NEB: variants seen among roughly 807,000 people sequenced by gnomAD.
NEB encodes the protein nemaline myopathy type 2.
NEB carries 512 observed loss-of-function variants against 952.2 expected under a neutral mutation model. The ratio of observed to expected loss-of-function variants is 0.54; its 90% confidence interval spans 0.50 to 0.58. NEB has a LOEUF of 0.58. NEB is among the 20% of genes least tolerant of loss of function. The probability of loss-of-function intolerance (pLI) is 0.00; values close to 1 mark genes in which losing one functional copy is unlikely to be tolerated. For synonymous variants in NEB, 2,900 were observed against 3,149.8 expected (o/e 0.92, Z 2.66); for missense variants, 8,428 against 9,231.1 (o/e 0.91, Z 3.56).
At chr2:151,529,068 T>C (rs968432728) in intron 146 of NEB, 142 bp downstream of exon 146, 4 of 672,910 alleles carry the variant, frequency 5.9e-6, no homozygotes, top group Non-Finnish European at 1.1e-5. Context: ...TTTAGCATCA[T>C]TGTTCATGCT....
intron 114 of NEB, 77 bp downstream of exon 114, chr2:151,567,091 G>A (rs3732311): frequency 0.058 from 74,529 of 1,280,654 alleles, 2,333 homozygotes; most frequent in Non-Finnish European, 0.061. Context: ...TCAAGCACTT[G>A]TGGATCTGGG....
intron 27 of NEB, among the ~76,000 whole-genome samples, chr2:151,686,120 A>C (rs551703465): frequency 1.3e-5 from 2 of 152,260 alleles, no homozygotes; most frequent in Non-Finnish European, 2.9e-5. Flanking sequence ...GCAATATTGC[A>C]ACAGCAATAG....
At chr2:151,692,210 C>T in intron 21 of NEB, 44 bp from the exon 22 acceptor site, 6 of 1,608,150 alleles carry the variant, frequency 3.7e-6, no homozygotes, top group Non-Finnish European at 5.1e-6. Context: ...AATCATTTGT[C>T]AAACAGTAGG....
rs1291632455 is a variant in NEB at position 151,709,698 on chromosome 2, T to C, written c.993A>G (p.Pro331=). The change falls in exon 12 of 182, where the codon CCA becomes CCG. Residue 331 remains proline (P), a synonymous_variant. Coordinates refer to ENST00000397345, the MANE Select transcript of NEB (RefSeq NM_001164508.2). Reference sequence around the variant, plus strand: ...CAGCTTTTTTATTCATTTTATACTCTGGTGTTTCGGTCTGCATGAAGTAGA... The same window carrying C: ...CAGCTTTTTTATTCATTTTATACTCCGGTGTTTCGGTCTGCATGAAGTAGA... ...DQIYFMQTET[P]EYKMNKKAGV... 6.2e-7 allele frequency: 1 copy of C among 1,605,638 alleles called. No homozygotes were observed. Among genetic ancestry groups the C allele is most frequent in the Non-Finnish European group, 8.5e-7 (1 of 1,175,528 alleles).
chr2:151,516,462 A>G lies in NEB; in HGVS notation c.22902T>C (p.Ser7634=). 1 of 1,606,324 alleles carries G rather than the reference A, an allele frequency of 6.2e-7. No homozygotes were observed. The part of the protein sequence containing the change: ...ITAKESQQMQ[S]GKEYRKDYEE... Reference sequence around the variant, plus strand: ...TGGTGTGGTTTTTTTGACTTACCCCACTCTGCATCTGCTGAGACTCTTTGG... The same window carrying G: ...TGGTGTGGTTTTTTTGACTTACCCCGCTCTGCATCTGCTGAGACTCTTTGG... The change falls in exon 157 of 182, where the codon AGT becomes AGC. Residue 7634 remains serine (S), a synonymous_variant. Transcript: ENST00000397345.
rs184516994 is a variant in NEB at position 151,506,941 on chromosome 2, G to T, written c.23524C>A (p.Arg7842Ser). 1.2e-6 allele frequency: 2 copies of T among 1,610,104 alleles called. No individual in the cohort carries two copies. The highest frequency in any genetic ancestry group is 2.2e-5 in the South Asian group (2 of 90,880). Residue 7842 changes from arginine to serine, a missense_variant, in exon 163 of 182, where the codon CGT becomes AGT. Transcript: ENST00000397345. ...TVVQDTPEIL[R>S]VKENQKNFSS... ...AAATTCTTCTGATTTTCTTTTACACGCAGTATTTCTGGCGTGTCTTGAACA... is the reference window on the plus strand; with the variant it reads ...AAATTCTTCTGATTTTCTTTTACACTCAGTATTTCTGGCGTGTCTTGAACA...
rs768045509 is a variant in NEB at position 151,485,928 on chromosome 2, GAT to G, written c.25408_25409del (p.Ile8470LeufsTer6). Reference protein sequence around the residue: ...IPSHPSTAGKIFRAMYDYMAA... With the variant: ...IPSHPSTAGKXFRAMYDYMAA... ...CCATATAGTCATACATGGCACGGAA[GAT>G]TTTCTATTCGTGGGGATGGAAAAGG... is the stretch of plus-strand genomic sequence containing the variant. On this transcript the variant is annotated frameshift_variant, in exon 182 of 182. Coordinates refer to ENST00000397345, the MANE Select transcript of NEB (RefSeq NM_001164508.2). LOFTEE classifies it high-confidence loss of function. 2 of 1,613,692 alleles carry G rather than the reference GAT, an allele frequency of 1.2e-6. No homozygotes were observed. Among genetic ancestry groups the G allele is most frequent in the Non-Finnish European group, 1.7e-6 (2 of 1,179,750 alleles).
chr2:151,616,735 T>G (rs1358841932), intron 75 of NEB, among the ~76,000 whole-genome samples: 1 of 152,120 alleles, frequency 6.6e-6, no homozygotes. Flanking sequence ...ATTATTGTCA[T>G]CATAATATAA....
chr2:151,543,602 G>T (rs550993536), intron 135 of NEB, among the ~76,000 whole-genome samples: 1 of 151,994 alleles, frequency 6.6e-6, no homozygotes, highest in South Asian at 2.1e-4. Context: ...AGTAAATCTG[G>T]GACTAAAACC....
intron 69 of NEB, 22 bp from the exon 70 acceptor site, chr2:151,627,227 G>A (rs1226259412): frequency 6.2e-7 from 1 of 1,602,852 alleles, no homozygotes; most frequent in Non-Finnish European, 8.5e-7. Flanking sequence ...AAACACAAAA[G>A]CGAGTATTAC....
rs963229132 is a variant in NEB at position 151,496,817 on chromosome 2, A to C, written c.24393+124T>G. The C allele has an allele frequency of 2.7e-5, 33 of 1,203,784 alleles. No homozygotes were observed. The South Asian group carries it at 3.8e-4, about 14-fold the overall frequency. The allele number at this position is 1,203,784 out of a possible 1,614,324, so 74.6% of individuals were successfully genotyped here. The stretch of plus-strand genomic sequence containing the variant: ...AAGTAGCCCAAAGGAAAAAAGGATA[A>C]ATTTGCTAAAGAAAGAAGTTCACAA... On this transcript the variant is annotated intron_variant, in intron 172 of 181. Coordinates refer to ENST00000397345, the MANE Select transcript of NEB (RefSeq NM_001164508.2).
intron 18 of NEB, 133 bp from the exon 19 acceptor site, chr2:151,694,762 G>A: frequency 2.8e-6 from 2 of 702,554 alleles, no homozygotes; most frequent in Non-Finnish European, 4.7e-6. Context: ...AGGAAATCAT[G>A]CATATTTTAA....
At chr2:151,568,838 C>A (rs923165173) in intron 110 of NEB, 122 bp from the exon 111 acceptor site, 13 of 713,546 alleles carry the variant, frequency 1.8e-5, no homozygotes, top group Non-Finnish European at 2.9e-5. Flanking sequence ...TGAATAGCGT[C>A]TTCTTGGGAA....
chr2:151,497,343 C>T, intron 171 of NEB: 1 of 982,098 alleles, frequency 1.0e-6, no homozygotes, highest in Non-Finnish European at 1.2e-6. Context: ...GGATTTGAGA[C>T]AGTTAGAACT....
intron 153 of NEB, among the ~76,000 whole-genome samples, chr2:151,523,976 G>A (rs1041027957): frequency 1.3e-5 from 2 of 152,174 alleles, no homozygotes; most frequent in African/African-American, 4.8e-5. Flanking sequence ...GGTGACTCAA[G>A]TATGAATCAG....
intron 158 of NEB, 22 bp from the exon 159 acceptor site, chr2:151,514,450 A>C (rs775307383): frequency 2.6e-6 from 4 of 1,524,476 alleles, no homozygotes; most frequent in Non-Finnish European, 3.6e-6. Flanking sequence ...AAGAAAAGCA[A>C]CAACATTGAC....
In NEB at chr2:151,687,421, C is replaced by T; in HGVS notation, c.2635G>A (p.Asp879Asn). The T allele has an allele frequency of 6.2e-7, 1 of 1,610,140 alleles. No homozygotes were observed. ...GACAGATTCACAAAGACACTCACATCACTCTGGTTTTTGGCTGTCTTCAAG... is the reference window on the plus strand; with the variant it reads ...GACAGATTCACAAAGACACTCACATTACTCTGGTTTTTGGCTGTCTTCAAG... ...HSLKTAKNQS[D>N]REYRKDYEKS... The change falls in exon 27 of 182, where the codon GAT (aspartate) becomes AAT (asparagine). Residue 879 changes from aspartate (D) to asparagine (N), a missense_variant and splice_region_variant. This residue lies in a region of NEB where 2,851 missense variants were observed against 2,791.5 expected (regional missense o/e 1.02). Transcript: ENST00000397345.
rs752379641 is a variant in NEB at position 151,650,217 on chromosome 2, C to T, written c.7390G>A (p.Asp2464Asn). ...GCATTTGTCTTTGCCAGAACTATAT[C>T]CATGGCATCAGGAATGCTGGTGAAC... ...NKFTSIPDAM[D>N]IVLAKTNAKN... The change falls in exon 54 of 182, where the codon GAT becomes AAT. Residue 2464 changes from aspartate (D) to asparagine (N), a missense_variant. Transcript: ENST00000397345. 1.9e-6 allele frequency: 3 copies of T among 1,613,796 alleles called. No individual in the cohort carries two copies. The highest frequency in any genetic ancestry group is 1.3e-5 in the African/African-American group (1 of 74,926).
chr2:151,667,861 C>T lies in NEB; in HGVS notation c.4662G>A (p.Leu1554=), dbSNP rs749959056. The change falls in exon 40 of 182, where the codon TTG becomes TTA. Residue 1554 remains leucine, a synonymous_variant. Coordinates refer to ENST00000397345, the MANE Select transcript of NEB (RefSeq NM_001164508.2). ...CAACAATTGGGATGGCATCTGGTCTCAAATCATAGCCCTTGGCAATGGTTT... is the reference window on the plus strand; with the variant it reads ...CAACAATTGGGATGGCATCTGGTCTTAAATCATAGCCCTTGGCAATGGTTT... ...WKKTIAKGYD[L]RPDAIPIVAA... 6.2e-7 allele frequency: 1 copy of T among 1,612,950 alleles called. No individual in the cohort carries two copies. Among genetic ancestry groups the T allele is most frequent in the Admixed American group, 1.7e-5 (1 of 60,016 alleles).
Sources: gnomAD v4.1 joint callset for allele counts (sites outside exome capture counted in the v4.1 genomes callset) on GRCh38, gnomAD v4.1.1 for gene constraint, gnomAD v4.1.1 regional missense constraint, MANE v1.5 for transcripts, NCBI Gene and HGNC (gene_info 2026-07-23, HGNC 2026-07-21) for gene names.